ACOT8: variants seen among roughly 807,000 people sequenced by gnomAD.
ACOT8 encodes acyl-CoA thioesterase 8.
Under a neutral mutation model 38.4 loss-of-function variants are expected in ACOT8, and 31 were observed. The observed-to-expected ratio is 0.81, with a 90% CI of 0.61 to 1.09. The LOEUF (loss-of-function observed/expected upper bound fraction) is 1.09. Among genes scored for constraint, ACOT8 ranks in the 50% least tolerant of loss-of-function variants. The pLI is 0.00. For synonymous variants in ACOT8, 158 were observed against 170.3 expected (o/e 0.93, Z 0.56); for missense variants, 373 against 421.8 (o/e 0.88, Z 1.01).
At position 45,855,251 on chromosome 20, in the gene ACOT8, C is replaced by A; in HGVS notation, c.170G>T (p.Gly57Val). 1.9e-6 allele frequency: 3 copies of A among 1,614,172 alleles called. No homozygotes were observed. The highest frequency in any genetic ancestry group is 2.7e-5 in the African/African-American group (2 of 75,054). ...YWVPAKRLFG[G>V]QIVGQALVAA... Reference sequence around the variant, plus strand: ...CACCAGGGCCTGGCCCACGATCTGACCACCAAACAGCCTCTTGGCCGGTAC... The same window carrying A: ...CACCAGGGCCTGGCCCACGATCTGAACACCAAACAGCCTCTTGGCCGGTAC... Residue 57 changes from glycine (G) to valine (V), a missense_variant, in exon 2 of 6, where the codon GGT becomes GTT. By Grantham distance (109) the Gly-to-Val change is moderately radical. Transcript: ENST00000217455.
intron 3 of ACOT8, among the ~76,000 whole-genome samples, chr20:45,847,125 G>A (rs1371621590): frequency 1.3e-5 from 2 of 152,018 alleles, no homozygotes; most frequent in Non-Finnish European, 2.9e-5. Flanking sequence ...CACGGGAATT[G>A]CTTGAACCTG....
At chr20:45,849,028 A>C (rs1158086425) in intron 2 of ACOT8, 1 of 212,370 alleles carries the variant, frequency 4.7e-6, no homozygotes, top group East Asian at 1.0e-4. Context: ...GATTTTAATG[A>C]TAATGAAATG....
intron 1 of ACOT8, among the ~76,000 whole-genome samples, chr20:45,856,460 T>C (rs372438167): frequency 7.2e-5 from 11 of 151,956 alleles, no homozygotes; most frequent in African/African-American, 2.7e-4. Flanking sequence ...GGTGGGCAGA[T>C]TACAAGGTCA....
intron 2 of ACOT8, 67 bp downstream of exon 2, chr20:45,855,092 G>A: frequency 1.3e-6 from 2 of 1,590,186 alleles, no homozygotes; most frequent in South Asian, 2.3e-5. Flanking sequence ...TTTGACCTCA[G>A]CCCCCAAGGC....
At chr20:45,850,032 A>C (rs1333509223) in intron 2 of ACOT8, among the ~76,000 whole-genome samples, 4 of 152,096 alleles carry the variant, frequency 2.6e-5, no homozygotes, top group South Asian at 2.1e-4. Flanking sequence ...AACATGGCAA[A>C]ACCCTGTCTC....
rs1386896651 is a variant in ACOT8, at chr20:45,857,270, G to T, written c.46C>A (p.Arg16Ser). 3 of 1,612,676 alleles carry T rather than the reference G, an allele frequency of 1.9e-6. No individual in the cohort carries two copies. The highest frequency in any genetic ancestry group is 2.5e-6 in the Non-Finnish European group (3 of 1,179,644). The change falls in exon 1 of 6, where the codon CGC becomes AGC. Residue 16 changes from arginine (R) to serine (S), a missense_variant. By Grantham distance (110) the Arg-to-Ser change is moderately radical. Transcript: ENST00000217455. ...APEDGQGCGD[R>S]GDPPGDLRSV... ...CGGAGGTCCCCAGGGGGATCGCCGC[G>T]GTCGCCACAGCCCTGCCCATCTTCT... is the stretch of plus-strand genomic sequence containing the variant.
Position 45,844,329 on chromosome 20 carries a change from G to A in ACOT8, c.580C>T (p.Pro194Ser), listed in dbSNP as rs767490623. 7 of 1,614,194 alleles carry A rather than the reference G, an allele frequency of 4.3e-6. No homozygotes were observed. The highest frequency in any genetic ancestry group is 1.6e-4 in the Middle Eastern group (1 of 6,062). Reference sequence around the variant, plus strand: ...TCCATTCTCTGCAGCTGGCTCAGGGGGGATGGGTTTACTGGCTTGATCTCA... The same window carrying A: ...TCCATTCTCTGCAGCTGGCTCAGGGAGGATGGGTTTACTGGCTTGATCTCA... ...PIEIKPVNPS[P>S]LSQLQRMEPK... The change falls in exon 4 of 6, where the codon CCC becomes TCC. Residue 194 changes from proline to serine, a missense_variant. Transcript: ENST00000217455.
At chr20:45,853,919 A>C in intron 2 of ACOT8, 1 of 1,303,614 alleles carries the variant, frequency 7.7e-7, no homozygotes, top group African/African-American at 1.5e-5. Context: ...TACAAATCAC[A>C]TACTGTAAAG....
intron 3 of ACOT8, among the ~76,000 whole-genome samples, chr20:45,846,395 T>A (rs1601092806): frequency 6.6e-6 from 1 of 152,174 alleles, no homozygotes; most frequent in African/African-American, 2.4e-5. Context: ...AGCAGCCTTA[T>A]GAGGTAGGAA....
intron 2 of ACOT8, among the ~76,000 whole-genome samples, chr20:45,854,716 T>C (rs1317434118): frequency 1.3e-5 from 2 of 152,176 alleles, no homozygotes; most frequent in Non-Finnish European, 2.9e-5. Context: ...TTTGTTTTTA[T>C]TGACCCTATG....
In ACOT8 at chr20:45,843,600, G is replaced by C; in HGVS notation, c.768C>G (p.Asp256Glu). Residue 256 changes from aspartate to glutamate, a missense_variant, in exon 5 of 6, where the codon GAC (aspartate) becomes GAG (glutamate). Transcript: ENST00000217455. ...QHKVHFMVSL[D>E]HSMWFHAPFR... ...AGGGGGCGTGGAACCACATGGAATGGTCCAGTGAGACCATGAAGTGCACCT... is the reference window on the plus strand; with the variant it reads ...AGGGGGCGTGGAACCACATGGAATGCTCCAGTGAGACCATGAAGTGCACCT... 6.2e-7 allele frequency: 1 copy of C among 1,613,828 alleles called. No homozygotes were observed. Among genetic ancestry groups the C allele is most frequent in the Non-Finnish European group, 8.5e-7 (1 of 1,179,774 alleles).
chr20:45,843,259 C>A (rs1984390183), intron 5 of ACOT8: 5 of 628,228 alleles, frequency 8.0e-6, no homozygotes, highest in Non-Finnish European at 1.4e-5. Context: ...TATTGTAATA[C>A]AAAGAATCTG....
At chr20:45,854,446 G>A (rs1418241371) in intron 2 of ACOT8, among the ~76,000 whole-genome samples, 9 of 152,150 alleles carry the variant, frequency 5.9e-5, no homozygotes, top group East Asian at 3.9e-4. Flanking sequence ...TCCTGACCTC[G>A]TGATCCGCCC....
In ACOT8 at chr20:45,852,758, A is replaced by G. The variant is rs147081596; in HGVS notation, c.262+2401T>C. Among the ~76,000 whole-genome samples the G allele has an allele frequency of 3.3e-3, 497 of 152,178 alleles. 5 individuals are homozygous for G. The highest frequency in any genetic ancestry group is 0.011 in the African/African-American group (477 of 41,520). On this transcript the variant is annotated intron_variant, in intron 2 of 5. Coordinates refer to ENST00000217455, the MANE Select transcript of ACOT8 (RefSeq NM_005469.4). ...GACACAAGCAAGGGCACAAATAATT[A>G]TTTTTATTTATTTATTTATTTTTGA...
At chr20:45,851,257 G>T (rs1985038713) in intron 2 of ACOT8, among the ~76,000 whole-genome samples, 1 of 152,140 alleles carries the variant, frequency 6.6e-6, no homozygotes, top group African/African-American at 2.4e-5. Context: ...AAGGTTAAAG[G>T]CATTTGAGAA....
At position 45,846,520 on chromosome 20, in the gene ACOT8, T is replaced by G. The variant is rs367713680; in HGVS notation, c.488+1930A>C. ...TAGAATTGAATCCAGGCCTTTCAGG[T>G]TCCCAAACCCACATCCATCCCGTCA... is the stretch of plus-strand genomic sequence containing the variant. On this transcript the variant is annotated intron_variant, in intron 3 of 5. Coordinates refer to ENST00000217455, the MANE Select transcript of ACOT8 (RefSeq NM_005469.4). Among the ~76,000 whole-genome samples the G allele has an allele frequency of 9.2e-5, 14 of 152,226 alleles. No homozygotes were observed. In the East Asian group the frequency reaches 2.7e-3, roughly 29 times the overall value.
intron 2 of ACOT8, among the ~76,000 whole-genome samples, chr20:45,850,288 C>T (rs538166682): frequency 6.6e-6 from 1 of 152,278 alleles, no homozygotes; most frequent in Admixed American, 6.5e-5. Flanking sequence ...GTTAGGAGTA[C>T]ATATTTGGCT....
intron 2 of ACOT8, among the ~76,000 whole-genome samples, chr20:45,854,842 C>T (rs1985306138): frequency 6.6e-6 from 1 of 152,142 alleles, no homozygotes; most frequent in Non-Finnish European, 1.5e-5. Flanking sequence ...CACTGAGAAC[C>T]TAGCACAGCG....
At chr20:45,846,774 A>G (rs174745) in intron 3 of ACOT8, among the ~76,000 whole-genome samples, 97,141 of 152,048 alleles carry the variant, frequency 0.64, 31,233 homozygotes, top group Admixed American at 0.71. Context: ...TTTCCCCTGT[A>G]CCAGCATTTT....
Sources: gnomAD v4.1 joint callset for allele counts (sites outside exome capture counted in the v4.1 genomes callset) on GRCh38, gnomAD v4.1.1 for gene constraint, MANE v1.5 for transcripts, NCBI Gene and HGNC (gene_info 2026-07-23, HGNC 2026-07-21) for gene names.